Variants in GCSAML observed in about 807,000 individuals in gnomAD.
The protein encoded by GCSAML is germinal center associated signaling and motility like.
GCSAML carries 9 observed loss-of-function variants against 13.0 expected under a neutral mutation model. The observed-to-expected ratio is 0.69, with a 90% CI of 0.42 to 1.21. The LOEUF (loss-of-function observed/expected upper bound fraction) is 1.21. GCSAML is among the 50% of genes most tolerant of loss of function. The pLI, the probability that GCSAML is intolerant of heterozygous loss-of-function variation, is 0.00. For missense variants in GCSAML, 143 were observed against 153.4 expected, an observed-to-expected ratio of 0.93 and a Z score of 0.36; for synonymous variants, 37 against 52.9, an observed-to-expected ratio of 0.70 and a Z score of 1.31.
At chr1:247,555,313 G>A (rs1667912243) in intron 1 of GCSAML, among the ~76,000 whole-genome samples, 1 of 151,876 alleles carries the variant, frequency 6.6e-6, no homozygotes, top group African/African-American at 2.4e-5. Flanking sequence ...AGGAAAAGGG[G>A]AAAAAAGGAG....
chr1:247,561,744 T>G (rs57324139), intron 2 of GCSAML, among the ~76,000 whole-genome samples: 2 of 152,200 alleles, frequency 1.3e-5, no homozygotes, highest in Non-Finnish European at 2.9e-5. Context: ...ATTTCATCTT[T>G]GTAACTTTGT....
At chr1:247,532,017 C>T (rs1666991334) in intron 2 of GCSAML, 4 of 1,614,002 alleles carry the variant, frequency 2.5e-6, no homozygotes, top group Non-Finnish European at 3.4e-6. Context: ...GCGGTAGGAG[C>T]ATGGTGAGCG....
chr1:247,549,778 T>G (rs1340688860), intron 1 of GCSAML, among the ~76,000 whole-genome samples: 1 of 152,184 alleles, frequency 6.6e-6, no homozygotes. Flanking sequence ...AGTCACACCT[T>G]TTTTGGTAAT....
At chr1:247,524,247 G>C (rs1003255799) in intron 1 of GCSAML, among the ~76,000 whole-genome samples, 2 of 151,402 alleles carry the variant, frequency 1.3e-5, no homozygotes, top group East Asian at 3.9e-4. Flanking sequence ...GGATCTCTCA[G>C]ACCTCACTTC....
intron 1 of GCSAML, among the ~76,000 whole-genome samples, chr1:247,510,981 G>A (rs1666016992): frequency 6.6e-6 from 1 of 152,192 alleles, no homozygotes; most frequent in Non-Finnish European, 1.5e-5. Context: ...CTGTTGATCT[G>A]GGGTGGAGAG....
In GCSAML at chr1:247,575,234, C is replaced by T. The variant is rs1352727639; in HGVS notation, c.*852C>T. 6.6e-6 allele frequency: 1 copy of T among 152,286 alleles called. No homozygotes were observed. The highest frequency in any genetic ancestry group is 3.4e-3 in the Middle Eastern group (1 of 296). 9.4% of individuals were successfully genotyped at this position (152,286 alleles called of 1,614,324 possible). A position where few individuals can be genotyped will look rare whatever the true frequency, so the allele number is the denominator to read the frequency against. On this transcript the variant is annotated 3_prime_UTR_variant, in exon 5 of 5. Coordinates refer to ENST00000366488, the MANE Select transcript of GCSAML (RefSeq NM_145278.5). ...CGGTGACCTGACCACCTCAGGCACA[C>T]TTTCTCAGGACCTCCTGAGAGTGTA...
At chr1:247,545,489 A>G (rs1667538634), upstream of GCSAML, among the ~76,000 whole-genome samples, 1 of 152,234 alleles carries the variant, frequency 6.6e-6, no homozygotes, top group South Asian at 2.1e-4. Context: ...AACTGGTTGA[A>G]AACTATCATT....
intron 1 of GCSAML, among the ~76,000 whole-genome samples, chr1:247,520,517 C>A (rs1229679428): frequency 8.3e-6 from 1 of 120,184 alleles, no homozygotes; most frequent in Non-Finnish European, 1.8e-5. Flanking sequence ...GATAAGTACC[C>A]CCACCTCTTC....
chr1:247,536,044 T>C (rs2103013937), intron 2 of GCSAML: 1 of 152,274 alleles, frequency 6.6e-6, no homozygotes, highest in East Asian at 1.9e-4. Flanking sequence ...AATCAGATCA[T>C]TTAAACGGAT....
At chr1:247,517,792 G>A (rs1666264670) in intron 1 of GCSAML, among the ~76,000 whole-genome samples, 1 of 152,152 alleles carries the variant, frequency 6.6e-6, no homozygotes, top group Non-Finnish European at 1.5e-5. Context: ...TGAGAGGACA[G>A]AACAACACGT....
upstream of GCSAML, among the ~76,000 whole-genome samples, chr1:247,547,006 G>A (rs1337332183): frequency 2.6e-5 from 4 of 151,786 alleles, 1 homozygote; most frequent in East Asian, 5.8e-4. Flanking sequence ...GGGGGATGAG[G>A]AGGGAGGATC....
At chr1:247,515,306 T>C (rs1242573277) in intron 1 of GCSAML, among the ~76,000 whole-genome samples, 1 of 152,234 alleles carries the variant, frequency 6.6e-6, no homozygotes, top group African/African-American at 2.4e-5. Flanking sequence ...AAAAGGACTT[T>C]TCCCCTGTGT....
intron 1 of GCSAML, among the ~76,000 whole-genome samples, chr1:247,508,374 T>C (rs1665899737): frequency 6.6e-6 from 1 of 152,216 alleles, no homozygotes; most frequent in African/African-American, 2.4e-5. Context: ...TGTTTTTTTC[T>C]TGTAAATTTG....
chr1:247,570,542 T>G (rs1668564575), intron 4 of GCSAML, among the ~76,000 whole-genome samples: 1 of 152,222 alleles, frequency 6.6e-6, no homozygotes. Context: ...AATCCTGAGT[T>G]CTAATTTGAT....
intron 1 of GCSAML, among the ~76,000 whole-genome samples, chr1:247,514,073 C>T (rs553528651): frequency 6.6e-6 from 1 of 152,090 alleles, no homozygotes; most frequent in Non-Finnish European, 1.5e-5. Flanking sequence ...TTCCACCTCC[C>T]AGGTTCAAGC....
intron 2 of GCSAML, among the ~76,000 whole-genome samples, chr1:247,541,131 T>A (rs547853100): frequency 1.3e-5 from 2 of 152,258 alleles, no homozygotes; most frequent in Non-Finnish European, 2.9e-5. Flanking sequence ...TCTAAACCTA[T>A]GCTGGTTTAA....
At chr1:247,549,084 G>A (rs760873901), upstream of GCSAML, 6 of 1,610,034 alleles carry the variant, frequency 3.7e-6, no homozygotes, top group Non-Finnish European at 4.2e-6. Flanking sequence ...ACGAACCCGT[G>A]GTCAGATGCA....
chr1:247,548,972 A>G, upstream of GCSAML: 2 of 1,188,428 alleles, frequency 1.7e-6, no homozygotes, highest in Non-Finnish European at 2.3e-6. The surrounding 1 kb of genome is among the most constrained non-coding windows in gnomAD (Gnocchi z 5.3). Context: ...GCGTGCAGGC[A>G]CACACACGCA....
At chr1:247,546,975 C>T (rs1667606798), upstream of GCSAML, among the ~76,000 whole-genome samples, 1 of 150,234 alleles carries the variant, frequency 6.7e-6, no homozygotes, top group African/African-American at 2.5e-5. Context: ...TGATGGCACA[C>T]ACCTGTGTTC....
Sources: gnomAD v4.1 joint callset for allele counts (sites outside exome capture counted in the v4.1 genomes callset) on GRCh38, gnomAD v4.1.1 for gene constraint, Gnocchi (gnomAD v3.1) non-coding constraint, MANE v1.5 for transcripts, NCBI Gene and HGNC (gene_info 2026-07-23, HGNC 2026-07-21) for gene names.